PDE4D: variants seen among roughly 807,000 people sequenced by gnomAD.
PDE4D encodes the protein 3',5'-cyclic-AMP phosphodiesterase 4D.
In PDE4D, 24 loss-of-function variants were observed where a neutral mutation model predicts 87.4. The ratio of observed to expected loss-of-function variants is 0.27; its 90% CI spans 0.20 to 0.39. PDE4D has a LOEUF of 0.39. Ranked by LOEUF, PDE4D falls within the 10% of genes least tolerant of loss-of-function variation. The probability of loss-of-function intolerance (pLI) is 1.00; values close to 1 mark genes in which losing one functional copy is unlikely to be tolerated. For synonymous variants in PDE4D, 384 were observed against 383.2 expected (o/e 1.00, Z -0.02); for missense variants, 714 against 1,041.0 (o/e 0.69, Z 4.32).
chr5:60,480,076 A>G (rs1197808863), intron 1 of PDE4D, among the ~76,000 whole-genome samples: 1 of 152,180 alleles, frequency 6.6e-6, no homozygotes. Flanking sequence ...TGCAGGGGCA[A>G]ACACTCTTCC....
rs74914352 is a variant in PDE4D, at chr5:59,322,584, T to G, written c.456-106616A>C. Among the ~76,000 whole-genome samples the G allele has an allele frequency of 6.2e-4, 94 of 152,270 alleles. 1 individual carries two copies. The East Asian group carries it at 0.016, about 26-fold the overall frequency. ...ATGGCTTATGGGTCAAATCCAATGC[T>G]ATCTATATTTACATTATGTTTTAGG... is the stretch of plus-strand genomic sequence containing the variant. On this transcript the variant is annotated intron_variant, in intron 1 of 14. Coordinates refer to ENST00000340635, the MANE Select transcript of PDE4D (RefSeq NM_001104631.2).
chr5:59,600,656 A>G (rs748123485), intron 1 of PDE4D, among the ~76,000 whole-genome samples: 1 of 152,172 alleles, frequency 6.6e-6, no homozygotes, highest in Non-Finnish European at 1.5e-5. Flanking sequence ...CCAGTTAGAC[A>G]GCAGAGGAAG....
chr5:59,329,900 T>C (rs1020733177), intron 1 of PDE4D, among the ~76,000 whole-genome samples: 6 of 152,184 alleles, frequency 3.9e-5, no homozygotes, highest in African/African-American at 7.2e-5. Context: ...ATTAGCAACA[T>C]AAAAGTGTTT....
At chr5:60,415,558 C>G (rs1742436960) in intron 1 of PDE4D, among the ~76,000 whole-genome samples, 1 of 152,228 alleles carries the variant, frequency 6.6e-6, no homozygotes, top group African/African-American at 2.4e-5. Context: ...GAGCGGCAGG[C>G]CGGCCCCGCC....
intron 1 of PDE4D, among the ~76,000 whole-genome samples, chr5:60,401,682 A>C (rs1741102858): frequency 6.6e-6 from 1 of 152,188 alleles, no homozygotes; most frequent in Non-Finnish European, 1.5e-5. Flanking sequence ...AGCACTGGCT[A>C]ATTCTTCATC....
intron 1 of PDE4D, among the ~76,000 whole-genome samples, chr5:59,281,274 T>C (rs1230450756): frequency 6.6e-6 from 1 of 152,128 alleles, no homozygotes; most frequent in Non-Finnish European, 1.5e-5. Context: ...TATCTTTATG[T>C]ATTGTGGCTT....
At chr5:59,490,669 A>G (rs185872696) in intron 1 of PDE4D, among the ~76,000 whole-genome samples, 20 of 152,350 alleles carry the variant, frequency 1.3e-4, no homozygotes, top group Non-Finnish European at 2.8e-4. Context: ...TGTGTACTGC[A>G]ATGACTAATA....
In PDE4D at chr5:59,940,667, G is replaced by C. The variant is rs548486482; in HGVS notation, c.272+47821C>G. Among the ~76,000 whole-genome samples the C allele has an allele frequency of 3.9e-5, 6 of 152,240 alleles. No homozygotes were observed. In the East Asian group the frequency reaches 1.2e-3, roughly 29 times the overall value. On this transcript the variant is annotated intron_variant, in intron 3 of 16. Transcript: ENST00000502484. ...ATCAAAAGTGCCTTTGAGACATATG[G>C]ATAGAGATTTCAAAAAGGCTGAATG...
chr5:59,928,153 T>A (rs1319891676), intron 3 of PDE4D, among the ~76,000 whole-genome samples: 1 of 152,126 alleles, frequency 6.6e-6, no homozygotes, highest in Admixed American at 6.5e-5. Flanking sequence ...AGGCCCCGAG[T>A]TCACCCAAAA....
intron 1 of PDE4D, among the ~76,000 whole-genome samples, chr5:59,516,513 G>A (rs1353443804): frequency 6.6e-6 from 1 of 152,040 alleles, no homozygotes; most frequent in Non-Finnish European, 1.5e-5. Flanking sequence ...AGAAGAAAAC[G>A]CTGCCAAGAA....
At chr5:60,137,574 C>T (rs574403597) in intron 2 of PDE4D, among the ~76,000 whole-genome samples, 1 of 152,018 alleles carries the variant, frequency 6.6e-6, no homozygotes, top group Middle Eastern at 3.4e-3. Flanking sequence ...TGTTTGTTGG[C>T]CACATGAATG....
chr5:60,165,824 T>A (rs925822196), intron 2 of PDE4D, among the ~76,000 whole-genome samples: 50 of 151,464 alleles, frequency 3.3e-4, no homozygotes, highest in African/African-American at 1.0e-3. Flanking sequence ...GTCTTTTTTT[T>A]AAATCTATTT....
intron 1 of PDE4D, among the ~76,000 whole-genome samples, chr5:59,424,346 G>T (rs1794904405): frequency 6.6e-6 from 1 of 152,190 alleles, no homozygotes; most frequent in South Asian, 2.1e-4. Flanking sequence ...TCTCATCAAA[G>T]AAAGTAGTCC....
intron 1 of PDE4D, among the ~76,000 whole-genome samples, chr5:60,233,304 G>T (rs1460877393): frequency 6.6e-6 from 1 of 151,446 alleles, no homozygotes; most frequent in Non-Finnish European, 1.5e-5. Flanking sequence ...TATTTTTCTA[G>T]GTAGCTGAAT....
chr5:59,720,002 A>G (rs976615456), intron 1 of PDE4D, among the ~76,000 whole-genome samples: 1 of 152,182 alleles, frequency 6.6e-6, no homozygotes, highest in Non-Finnish European at 1.5e-5. Context: ...CCAACATACC[A>G]AATCAGTGGT....
chr5:59,534,649 G>A (rs1463829991), intron 1 of PDE4D, among the ~76,000 whole-genome samples: 1 of 152,182 alleles, frequency 6.6e-6, no homozygotes, highest in East Asian at 1.9e-4. Flanking sequence ...GTGCAATGGA[G>A]TTACACCATC....
chr5:59,054,981 T>C (rs2153407116), intron 5 of PDE4D, among the ~76,000 whole-genome samples: 1 of 152,338 alleles, frequency 6.6e-6, no homozygotes, highest in East Asian at 1.9e-4. Context: ...CTACTGTGCA[T>C]ATTTTTTGAA....
intron 2 of PDE4D, among the ~76,000 whole-genome samples, chr5:60,114,118 G>A (rs1209408623): frequency 2.6e-5 from 4 of 152,208 alleles, no homozygotes; most frequent in Admixed American, 6.6e-5. Context: ...TGCTCCACCC[G>A]ATTCGGTGAA....
chr5:59,814,304 C>T (rs1233349735), intron 1 of PDE4D, among the ~76,000 whole-genome samples: 1 of 152,222 alleles, frequency 6.6e-6, no homozygotes, highest in Admixed American at 6.5e-5. Flanking sequence ...CAGAGACTGT[C>T]TGTCCCACAA....
Sources: gnomAD v4.1 joint callset for allele counts (sites outside exome capture counted in the v4.1 genomes callset) on GRCh38, gnomAD v4.1.1 for gene constraint, MANE v1.5 for transcripts, NCBI Gene and HGNC (gene_info 2026-07-23, HGNC 2026-07-21) for gene names.